Variants in SNX6 observed in about 807,000 individuals in gnomAD.
SNX6 encodes the protein sorting nexin-6.
SNX6 carries 34 observed loss-of-function variants against 63.0 expected under a neutral mutation model. The observed-to-expected ratio is 0.54, with a 90% CI of 0.41 to 0.72. The LOEUF is 0.72. Among genes scored for constraint, SNX6 ranks in the 30% least tolerant of loss-of-function variants. The probability of loss-of-function intolerance (pLI) is 0.00; values close to 1 mark genes in which losing one functional copy is unlikely to be tolerated. For synonymous variants in SNX6, 170 were observed against 164.2 expected, an observed-to-expected ratio of 1.04 and a Z score of -0.27; for missense variants, 398 against 471.4, an observed-to-expected ratio of 0.84 and a Z score of 1.44.
chr14:34,600,211 G>A (rs182065991), intron 6 of SNX6, among the ~76,000 whole-genome samples: 106 of 152,008 alleles, frequency 7.0e-4, no homozygotes, highest in Non-Finnish European at 1.2e-3. Context: ...TGCAGCCTCC[G>A]CCTCCCACAT....
At chr14:34,622,481 G>A (rs985825822) in intron 2 of SNX6, among the ~76,000 whole-genome samples, 5 of 150,792 alleles carry the variant, frequency 3.3e-5, no homozygotes, top group African/African-American at 2.4e-5. Context: ...TACTCGGGAC[G>A]CTGAGGCAGG....
At chr14:34,569,030 C>T (rs2138263475) in intron 11 of SNX6, 2 of 1,448,616 alleles carry the variant, frequency 1.4e-6, no homozygotes, top group Non-Finnish European at 1.9e-6. Context: ...ACGGTGTCCA[C>T]CCATTCGGGG....
chr14:34,595,616 T>C (rs1882565513), intron 7 of SNX6, among the ~76,000 whole-genome samples: 1 of 152,168 alleles, frequency 6.6e-6, no homozygotes, highest in South Asian at 2.1e-4. Flanking sequence ...CTAAGAAAAA[T>C]GGTTGATATT....
intron 13 of SNX6, among the ~76,000 whole-genome samples, chr14:34,567,268 T>C (rs1881227764): frequency 6.6e-6 from 1 of 151,418 alleles, no homozygotes; most frequent in African/African-American, 2.4e-5. Context: ...AGGAGGATCA[T>C]TTGAGGACGG....
At chr14:34,624,311 G>C (rs1883741082) in intron 2 of SNX6, among the ~76,000 whole-genome samples, 1 of 152,124 alleles carries the variant, frequency 6.6e-6, no homozygotes, top group South Asian at 2.1e-4. Flanking sequence ...ATGTGGGCCA[G>C]GCAGGTCTTT....
intron 10 of SNX6, among the ~76,000 whole-genome samples, chr14:34,577,780 G>A (rs1035138684): frequency 6.6e-6 from 1 of 151,986 alleles, no homozygotes; most frequent in African/African-American, 2.4e-5. Flanking sequence ...TGACATTAAG[G>A]GAGAATCATT....
intron 13 of SNX6, among the ~76,000 whole-genome samples, chr14:34,567,081 G>A (rs967877497): frequency 2.7e-5 from 4 of 149,276 alleles, no homozygotes; most frequent in Admixed American, 6.7e-5. Flanking sequence ...AAAATTAGCT[G>A]GGTGTGGTGG....
intron 2 of SNX6, among the ~76,000 whole-genome samples, chr14:34,623,769 TAG>T (rs1883717243): frequency 6.6e-6 from 1 of 152,124 alleles, no homozygotes; most frequent in Admixed American, 6.6e-5. Context: ...AATACAAAGG[TAG>T]GAGCAAGGCT....
rs145519032 is a variant in SNX6 at position 34,606,738 on chromosome 14, G to A, written c.271-1021C>T. On this transcript the variant is annotated intron_variant, in intron 4 of 13. Transcript: ENST00000362031. ...GCCACAGGCGTCAGCCACCGTGGCC[G>A]GCCGAGACTTCCAACTCTTAAGTAT... 8.0e-5 allele frequency among the ~76,000 whole-genome samples: 12 copies of A among 149,318 alleles called. No homozygotes were observed. The East Asian group carries it at 2.1e-3, about 26-fold the overall frequency.
At chr14:34,611,391 G>A (rs1392733350) in intron 2 of SNX6, among the ~76,000 whole-genome samples, 1 of 151,086 alleles carries the variant, frequency 6.6e-6, no homozygotes, top group African/African-American at 2.4e-5. Context: ...TGTGGGGAAT[G>A]GCTTGAGCCC....
chr14:34,618,228 TAAG>T (rs1883496519), intron 2 of SNX6, among the ~76,000 whole-genome samples: 1 of 152,214 alleles, frequency 6.6e-6, no homozygotes, highest in Admixed American at 6.6e-5. Flanking sequence ...GCTTAAAATC[TAAG>T]GAGTTTCCAC....
At chr14:34,589,184 G>A (rs995772198) in intron 8 of SNX6, among the ~76,000 whole-genome samples, 4 of 152,028 alleles carry the variant, frequency 2.6e-5, no homozygotes, top group Admixed American at 1.3e-4. Flanking sequence ...GGCTGAGGGC[G>A]GTGGCTCACG....
chr14:34,574,704 C>T (rs944782057), intron 11 of SNX6, among the ~76,000 whole-genome samples: 2 of 150,536 alleles, frequency 1.3e-5, no homozygotes, highest in Non-Finnish European at 1.5e-5. Flanking sequence ...GACATTTTAC[C>T]TGAAGAAATA....
rs765511727 is a variant in SNX6 at position 34,567,883 on chromosome 14, A to T, written c.1052T>A (p.Phe351Tyr). The change falls in exon 12 of 14, where the codon TTT becomes TAT. Residue 351 changes from phenylalanine to tyrosine, a missense_variant. Phe to Tyr is a conservative substitution (Grantham distance 22). Coordinates refer to ENST00000362031, the MANE Select transcript of SNX6 (RefSeq NM_152233.4). ...TTTTGCAGACTCAGATATTTTTTCA[A>T]ATTTCTGACAACATAATTGTTGGGA... ...ETSQQLCCQK[F>Y]EKISESAKQE... 1 of 1,613,972 alleles carries T rather than the reference A, an allele frequency of 6.2e-7. No homozygotes were observed. The highest frequency in any genetic ancestry group is 8.5e-7 in the Non-Finnish European group (1 of 1,179,996).
chr14:34,606,884 T>G (rs1417977746), intron 4 of SNX6, among the ~76,000 whole-genome samples: 1 of 152,090 alleles, frequency 6.6e-6, no homozygotes, highest in African/African-American at 2.4e-5. Context: ...GTTCAAGCAA[T>G]TCTGCCTCAG....
At position 34,607,111 on chromosome 14, in the gene SNX6, A is replaced by G. The variant is rs996936258; in HGVS notation, c.270+919T>C. 2.8e-4 allele frequency among the ~76,000 whole-genome samples: 42 copies of G among 152,070 alleles called. 1 individual carries two copies. The highest frequency in any genetic ancestry group is 2.7e-3 in the Admixed American group (41 of 15,234). The stretch of plus-strand genomic sequence containing the variant: ...GGTTTTAAAACCAGTATGGTTTGTC[A>G]CATCTCCTTAATCCCTAGGACAAGC... On this transcript the variant is annotated intron_variant, in intron 4 of 13. Coordinates refer to ENST00000362031, the MANE Select transcript of SNX6 (RefSeq NM_152233.4).
chr14:34,621,769 C>T (rs1883629623), intron 2 of SNX6, among the ~76,000 whole-genome samples: 1 of 152,128 alleles, frequency 6.6e-6, no homozygotes, highest in Non-Finnish European at 1.5e-5. Context: ...ATCTCCTAAA[C>T]ATCTCTTTAC....
intron 8 of SNX6, among the ~76,000 whole-genome samples, chr14:34,590,812 C>T (rs1443529262): frequency 6.6e-6 from 1 of 152,152 alleles, no homozygotes; most frequent in Non-Finnish European, 1.5e-5. Context: ...AAATGGCTCA[C>T]ATAAATTGTA....
At chr14:34,626,879 C>CA (rs1206701334) in intron 2 of SNX6, among the ~76,000 whole-genome samples, 2 of 151,994 alleles carry the variant, frequency 1.3e-5, no homozygotes, top group East Asian at 3.9e-4. Flanking sequence ...TAGTAGACAC[C>CA]AAAAATAGGA....
Sources: allele counts gnomAD v4.1 joint callset (sites outside exome capture counted in the v4.1 genomes callset), GRCh38; gene constraint gnomAD v4.1.1; transcripts MANE v1.5; gene names NCBI Gene and HGNC (gene_info 2026-07-23, HGNC 2026-07-21).